Variants in ADAMTSL1 observed in about 807,000 individuals in gnomAD.
ADAMTSL1 encodes ADAMTS-like protein 1.
ADAMTSL1 carries 126 observed loss-of-function variants against 201.8 expected under a neutral mutation model. The ratio of observed to expected loss-of-function variants is 0.62; its 90% CI spans 0.54 to 0.72. ADAMTSL1 has a LOEUF of 0.72. Among genes scored for constraint, ADAMTSL1 ranks in the 30% least tolerant of loss-of-function variants. The pLI is 0.00. For synonymous variants in ADAMTSL1, 1,121 were observed against 903.4 expected (o/e 1.24, Z -4.32); for missense variants, 2,679 against 2,277.8 (o/e 1.18, Z -3.59).
At chr9:18,234,826 AG>A (rs1830777971) in intron 2 of ADAMTSL1, among the ~76,000 whole-genome samples, 1 of 152,234 alleles carries the variant, frequency 6.6e-6, no homozygotes, top group Non-Finnish European at 1.5e-5. Flanking sequence ...GTCTATTAAA[AG>A]TATCCAATAC....
chr9:18,684,293 A>G (rs1451884122), intron 12 of ADAMTSL1, among the ~76,000 whole-genome samples: 1 of 151,842 alleles, frequency 6.6e-6, no homozygotes, highest in Non-Finnish European at 1.5e-5. Flanking sequence ...ACACTTAGCT[A>G]AAAGGCAAAA....
intron 2 of ADAMTSL1, among the ~76,000 whole-genome samples, chr9:18,386,915 A>G (rs1469690822): frequency 6.6e-6 from 1 of 152,104 alleles, no homozygotes. Flanking sequence ...TAAATTTCAT[A>G]GTTACCCAAA....
At chr9:18,175,279 C>A (rs1370638631) in intron 2 of ADAMTSL1, among the ~76,000 whole-genome samples, 1 of 152,150 alleles carries the variant, frequency 6.6e-6, no homozygotes, top group East Asian at 1.9e-4. Context: ...TTAATGGAAA[C>A]TTTAAATTCT....
rs529629725 is a variant in ADAMTSL1 at position 18,459,429 on chromosome 9, G to C, written c.208-45400G>C. Among the ~76,000 whole-genome samples, 7 of 152,140 alleles carry C rather than the reference G, an allele frequency of 4.6e-5. No homozygotes were observed. In the South Asian group the frequency reaches 1.5e-3, roughly 32 times the overall value. ...TGATTTCAAGTCCTCTGTTGCACTT[G>C]AGGCCTTACCTCACTAGTTATTTTA... On this transcript the variant is annotated intron_variant, in intron 2 of 29. Coordinates refer to the ADAMTSL1 transcript ENST00000680146.
intron 2 of ADAMTSL1, among the ~76,000 whole-genome samples, chr9:18,324,938 AAAACTT>A (rs1462567220): frequency 6.6e-6 from 1 of 152,198 alleles, no homozygotes; most frequent in Non-Finnish European, 1.5e-5. Flanking sequence ...AGTGGACAAA[AAAACTT>A]AAACACTTCA....
intron 1 of ADAMTSL1, among the ~76,000 whole-genome samples, chr9:17,962,031 C>T (rs1055415024): frequency 5.3e-5 from 8 of 152,096 alleles, no homozygotes; most frequent in Admixed American, 2.6e-4. Context: ...TCTTTACTAT[C>T]GAGATGAGAA....
intron 26 of ADAMTSL1, among the ~76,000 whole-genome samples, chr9:18,901,932 G>GA (rs1830038869): frequency 6.6e-6 from 1 of 151,968 alleles, no homozygotes; most frequent in East Asian, 1.9e-4. Context: ...GAGATCTAAA[G>GA]AAAAAATTAG....
At chr9:18,131,883 G>A (rs1318349583) in intron 1 of ADAMTSL1, among the ~76,000 whole-genome samples, 1 of 151,986 alleles carries the variant, frequency 6.6e-6, no homozygotes, top group Non-Finnish European at 1.5e-5. Flanking sequence ...GTGGTGGGCA[G>A]GGTGAGATGA....
chr9:18,290,281 A>ATTTTTTTTTTT (rs35411626), intron 2 of ADAMTSL1, among the ~76,000 whole-genome samples: 1 of 147,848 alleles, frequency 6.8e-6, no homozygotes, highest in Non-Finnish European at 1.5e-5. Context: ...AGGGGATTAG[A>ATTTTTTTTTTT]TTTTTTTTTT....
intron 11 of ADAMTSL1, chr9:18,681,110 T>C (rs1188295864): frequency 2.0e-5 from 3 of 152,590 alleles, no homozygotes; most frequent in Non-Finnish European, 4.4e-5. Flanking sequence ...AGGAAAATCG[T>C]AAAGGAAACA....
At chr9:18,608,116 C>T (rs1253785642) in intron 4 of ADAMTSL1, among the ~76,000 whole-genome samples, 1 of 152,092 alleles carries the variant, frequency 6.6e-6, no homozygotes, top group Non-Finnish European at 1.5e-5. Flanking sequence ...TTCTTCTTTT[C>T]CCATGGTCCA....
intron 15 of ADAMTSL1, among the ~76,000 whole-genome samples, chr9:18,746,668 A>C (rs1819163745): frequency 6.6e-6 from 1 of 152,032 alleles, no homozygotes; most frequent in Admixed American, 6.6e-5. Flanking sequence ...CATTTATACC[A>C]GCAATAAACA....
intron 2 of ADAMTSL1, among the ~76,000 whole-genome samples, chr9:18,198,490 C>CA (rs1829286436): frequency 6.7e-6 from 1 of 149,418 alleles, no homozygotes; most frequent in East Asian, 1.9e-4. Context: ...TTTATGCAGC[C>CA]AAAAAACACA....
Position 18,894,373 on chromosome 9 carries a change from GCTGTCTGCAGTA to G in ADAMTSL1, c.4851+1778_4851+1789del, listed in dbSNP as rs1829483259. 6.7e-5 allele frequency among the ~76,000 whole-genome samples: 4 copies of G among 59,922 alleles called. No individual in the cohort carries two copies. In the South Asian group the frequency reaches 2.4e-3, roughly 36 times the overall value. The allele number at this position is 59,922 out of a possible 152,430, so 39.3% of individuals were successfully genotyped here. A position where few individuals can be genotyped will look rare whatever the true frequency, so the allele number is the denominator to read the frequency against. Reference sequence around the variant, plus strand: ...TTTTTTTTTTTTTTGAAAAAGGTATGCTGTCTGCAGTATAGTGATCAAATTGGCAAGTGAAAG... The same window carrying G: ...TTTTTTTTTTTTTTGAAAAAGGTATGTAGTGATCAAATTGGCAAGTGAAAG... On this transcript the variant is annotated intron_variant, in intron 26 of 28. Coordinates refer to ENST00000380548, the MANE Select transcript of ADAMTSL1 (RefSeq NM_001040272.6).
intron 2 of ADAMTSL1, among the ~76,000 whole-genome samples, chr9:18,282,261 G>T (rs925966343): frequency 7.2e-5 from 11 of 152,174 alleles, no homozygotes; most frequent in Admixed American, 2.0e-4. Context: ...TTTTATGGCT[G>T]GATAGTATTC....
At chr9:18,182,706 A>C (rs891305615) in intron 2 of ADAMTSL1, among the ~76,000 whole-genome samples, 1 of 152,254 alleles carries the variant, frequency 6.6e-6, no homozygotes, top group Non-Finnish European at 1.5e-5. Context: ...ACATAATGGC[A>C]GACATTTCAG....
At chr9:18,102,292 A>G (rs1228802532) in intron 1 of ADAMTSL1, among the ~76,000 whole-genome samples, 2 of 151,762 alleles carry the variant, frequency 1.3e-5, no homozygotes, top group South Asian at 2.1e-4. Flanking sequence ...CATTTATTTT[A>G]TTTATAAAGT....
chr9:18,480,368 A>G (rs1230085215), intron 1 of ADAMTSL1, among the ~76,000 whole-genome samples: 2 of 152,170 alleles, frequency 1.3e-5, no homozygotes, highest in Non-Finnish European at 2.9e-5. Context: ...CCAAGCATCA[A>G]ACACTCTCTC....
chr9:18,653,374 C>A (rs1308732966), intron 7 of ADAMTSL1, among the ~76,000 whole-genome samples: 2 of 152,168 alleles, frequency 1.3e-5, no homozygotes, highest in African/African-American at 4.8e-5. Context: ...CCTGACAAAT[C>A]TTTGCCACCT....
Sources: allele counts gnomAD v4.1 joint callset (sites outside exome capture counted in the v4.1 genomes callset), GRCh38; gene constraint gnomAD v4.1.1; transcripts MANE v1.5; gene names NCBI Gene and HGNC (gene_info 2026-07-23, HGNC 2026-07-21).